Variants in E4F1 observed in about 807,000 individuals in gnomAD.
E4F1 encodes the protein transcription factor E4F1.
In E4F1, 30 loss-of-function variants were observed where a neutral mutation model predicts 72.9. That is an observed-to-expected ratio of 0.41 (90% CI 0.31 to 0.56). E4F1 has a LOEUF of 0.56. Ranked by LOEUF, E4F1 falls within the 20% of genes least tolerant of loss-of-function variation. The pLI, the probability that E4F1 is intolerant of heterozygous loss-of-function variation, is 0.25. For missense variants in E4F1, 1,091 were observed against 1,117.5 expected, an observed-to-expected ratio of 0.98 and a Z score of 0.34; for synonymous variants, 542 against 478.2, an observed-to-expected ratio of 1.13 and a Z score of -1.74.
At chr16:2,229,523 C>T in intron 2 of E4F1, 47 bp from the exon 3 acceptor site, 1 of 1,580,110 alleles carries the variant, frequency 6.3e-7, no homozygotes, top group Non-Finnish European at 8.6e-7. Context: ...TGAGAACTAA[C>T]TCTGGAGCAT....
chr16:2,234,409 C>A lies in E4F1; in HGVS notation c.1593+21C>A, dbSNP rs777128001. On this transcript the variant is annotated intron_variant, in intron 10 of 13. Transcript: ENST00000301727. ...CTAAGGTGGGTCTCTGGCCGCAGGA[C>A]CCTGGCGCCTGATCCCCCCATCCTG... 26 of 1,611,104 alleles carry A rather than the reference C, an allele frequency of 1.6e-5. No individual in the cohort carries two copies. In the South Asian group the frequency reaches 2.3e-4, roughly 14 times the overall value.
rs2093493279 is a variant in E4F1 at position 2,234,714 on chromosome 16, C to T, written c.1725C>T (p.Phe575=). ...HVRHHTGEKP[F]KCYKCGRGFA... ...GACACCACACAGGCGAGAAGCCGTT[C>T]AAGTGCTACAAGTGCGGCCGTGGCT... Residue 575 remains phenylalanine, a synonymous_variant, in exon 11 of 14, where the codon TTC becomes TTT. Coordinates refer to ENST00000301727, the MANE Select transcript of E4F1 (RefSeq NM_004424.5). The T allele has an allele frequency of 6.4e-7, 1 of 1,562,878 alleles. No individual in the cohort carries two copies.
chr16:2,232,613 A>ACCC (rs1314287414), intron 5 of E4F1, 37 bp downstream of exon 5: 3 of 1,608,984 alleles, frequency 1.9e-6, no homozygotes, highest in Non-Finnish European at 2.5e-6. Flanking sequence ...GCCCGGTAGC[A>ACCC]CCCCGATGGT....
At chr16:2,228,316 C>G (rs1224037070) in intron 1 of E4F1, 56 bp from the exon 2 acceptor site, 1 of 1,606,176 alleles carries the variant, frequency 6.2e-7, no homozygotes, top group Non-Finnish European at 8.5e-7. Context: ...CCAGACGGAG[C>G]CCTGGCTGCC....
chr16:2,224,637 A>C (rs1032259564), intron 1 of E4F1, among the ~76,000 whole-genome samples: 2 of 151,876 alleles, frequency 1.3e-5, no homozygotes, highest in African/African-American at 4.8e-5. Flanking sequence ...AAATACAAAA[A>C]AACAAAATTA....
chr16:2,227,140 A>G (rs1454828058), intron 1 of E4F1, among the ~76,000 whole-genome samples: 3 of 152,096 alleles, frequency 2.0e-5, no homozygotes, highest in East Asian at 1.9e-4. Context: ...CCTGGGCTCA[A>G]TCAATCCTCC....
At chr16:2,228,155 G>C (rs1023132197) in intron 1 of E4F1, 27 of 620,776 alleles carry the variant, frequency 4.3e-5, no homozygotes, top group Middle Eastern at 5.5e-4. Flanking sequence ...ACCTCCTGAG[G>C]GTGGGTCTGG....
In E4F1 at chr16:2,223,745, C is replaced by T. The variant is rs2093413095; in HGVS notation, c.132C>T (p.Gly44=). ...CCTTGGCCCCCAGCGGCTTCCTCGG[C>T]CTCCCGGCGCCCTTCAGCGAGGAAG... is the stretch of plus-strand genomic sequence containing the variant. The part of the protein sequence containing the change: ...AAALAPSGFL[G]LPAPFSEEDE... The change falls in exon 1 of 14, where the codon GGC becomes GGT. Residue 44 remains glycine (G), a synonymous_variant. Transcript: ENST00000301727. 1 of 1,531,872 alleles carries T rather than the reference C, an allele frequency of 6.5e-7. No homozygotes were observed. 94.9% of individuals were successfully genotyped at this position (1,531,872 alleles called of 1,614,324 possible).
intron 10 of E4F1, 72 bp downstream of exon 10, chr16:2,234,460 C>T: frequency 6.3e-7 from 1 of 1,584,862 alleles, no homozygotes; most frequent in Non-Finnish European, 8.6e-7. Context: ...CCAGGTGCAC[C>T]CCCTTCCCTG....
At chr16:2,234,826 C>A (rs1274234308) in intron 11 of E4F1, 33 bp from the exon 12 acceptor site, 1 of 1,545,198 alleles carries the variant, frequency 6.5e-7, no homozygotes, top group Non-Finnish European at 8.7e-7. Context: ...GGGGCCGGGG[C>A]TTGCCTAGCC....
intron 3 of E4F1, 93 bp downstream of exon 3, chr16:2,229,768 G>A (rs574318798): frequency 5.7e-6 from 8 of 1,392,136 alleles, no homozygotes; most frequent in African/African-American, 4.2e-5. Context: ...CGTCTCTCCC[G>A]AGACCAGGGC....
In E4F1 at chr16:2,228,493, C is replaced by T. The variant is rs146632512; in HGVS notation, c.279C>T (p.Thr93=). 8.7e-6 allele frequency: 14 copies of T among 1,612,928 alleles called. No homozygotes were observed. Among genetic ancestry groups the T allele is most frequent in the Non-Finnish European group, 1.2e-5 (14 of 1,179,784 alleles). The change falls in exon 2 of 14, where the codon ACC becomes ACT. Residue 93 remains threonine (T), a synonymous_variant. Coordinates refer to ENST00000301727, the MANE Select transcript of E4F1 (RefSeq NM_004424.5). The part of the protein sequence containing the change: ...QRAPPEALPA[T]PATTALLGQE... The stretch of plus-strand genomic sequence containing the variant: ...CCCCTCCGGAGGCCCTGCCTGCCAC[C>T]CCTGCCACCACAGCGTTGCTGGGCC...
intron 1 of E4F1, chr16:2,224,037 T>A: frequency 7.6e-7 from 1 of 1,320,494 alleles, no homozygotes; most frequent in Non-Finnish European, 9.9e-7. Context: ...GCGCCCGGTG[T>A]AGACATTCGC....
intron 10 of E4F1, 90 bp from the exon 11 acceptor site, chr16:2,234,493 C>A (rs2093490542): frequency 1.9e-6 from 3 of 1,558,994 alleles, no homozygotes; most frequent in Non-Finnish European, 1.7e-6. Context: ...TCAGTCTTGA[C>A]CCAGCCCCTC....
intron 3 of E4F1, 68 bp from the exon 4 acceptor site, chr16:2,232,103 A>C (rs2093470786): frequency 6.3e-7 from 1 of 1,581,424 alleles, no homozygotes; most frequent in African/African-American, 1.3e-5. Context: ...CCTCCCCTGG[A>C]GCCAGCAGTC....
chr16:2,233,355 G>T, intron 7 of E4F1, 83 bp from the exon 8 acceptor site: 1 of 1,431,096 alleles, frequency 7.0e-7, no homozygotes, highest in Non-Finnish European at 9.2e-7. Context: ...TTTGCACAAG[G>T]CTCCTGGCGT....
In E4F1 at chr16:2,232,744, T is replaced by C; in HGVS notation, c.731-12T>C. On this transcript the variant is annotated splice_polypyrimidine_tract_variant and intron_variant, in intron 5 of 13. Transcript: ENST00000301727. ...CTGGGGCTGCCCGGGGCTGACTAGGTTCTCTCTGCAGATGAGCGCCCCTAC... is the reference window on the plus strand; with the variant it reads ...CTGGGGCTGCCCGGGGCTGACTAGGCTCTCTCTGCAGATGAGCGCCCCTAC... The C allele has an allele frequency of 6.2e-7, 1 of 1,612,680 alleles. No individual in the cohort carries two copies. The highest frequency in any genetic ancestry group is 8.5e-7 in the Non-Finnish European group (1 of 1,179,846).
chr16:2,225,143 A>G (rs1265253814), intron 1 of E4F1, among the ~76,000 whole-genome samples: 3 of 151,316 alleles, frequency 2.0e-5, no homozygotes, highest in Non-Finnish European at 2.9e-5. Flanking sequence ...AGCCCAGGAG[A>G]CGGAGGTCGC....
At chr16:2,231,527 T>C (rs1018990179) in intron 3 of E4F1, 14 of 152,454 alleles carry the variant, frequency 9.2e-5, no homozygotes, top group African/African-American at 3.4e-4. Flanking sequence ...ACTTGTCATC[T>C]TTATGAGCAG....
Sources: allele counts gnomAD v4.1 joint callset (sites outside exome capture counted in the v4.1 genomes callset), GRCh38; gene constraint gnomAD v4.1.1; transcripts MANE v1.5; gene names NCBI Gene and HGNC (gene_info 2026-07-23, HGNC 2026-07-21).